The following NCKAP5 variants were observed in gnomAD, a reference collection of about 807,000 sequenced individuals.
The protein encoded by NCKAP5 is NCK associated protein 5, also known as nck-associated protein 5.
A neutral mutation model predicts 167.0 loss-of-function variants in NCKAP5; 92 were observed. The ratio of observed to expected loss-of-function variants is 0.55; its 90% CI spans 0.47 to 0.66. NCKAP5 has a LOEUF of 0.66. NCKAP5 is among the 30% of genes least tolerant of loss of function. The pLI, the probability that NCKAP5 is intolerant of heterozygous loss-of-function variation, is 0.00. For missense variants in NCKAP5, 2,378 were observed against 2,315.0 expected (o/e 1.03, Z -0.56); for synonymous variants, 891 against 877.4 (o/e 1.02, Z -0.27).
chr2:133,618,257 G>A, the NCKAP5 span, among the ~76,000 whole-genome samples: 1 of 151,132 alleles, frequency 6.6e-6, no homozygotes, highest in East Asian at 1.9e-4. Context: ...AGGACTTCAT[G>A]TCTAAAACAC....
chr2:132,868,560 ACT>A (rs1457637932), intron 10 of NCKAP5, among the ~76,000 whole-genome samples: 2 of 152,096 alleles, frequency 1.3e-5, no homozygotes, highest in Non-Finnish European at 2.9e-5. Context: ...GACTTCCCTA[ACT>A]CTTGCTGAAT....
intron 18 of NCKAP5, among the ~76,000 whole-genome samples, chr2:132,728,517 G>A (rs1272642739): frequency 9.9e-5 from 15 of 152,176 alleles, no homozygotes; most frequent in Non-Finnish European, 2.1e-4. Context: ...GCGCCCACAT[G>A]GCTTGGGAGA....
the NCKAP5 span, among the ~76,000 whole-genome samples, chr2:133,647,279 A>G: frequency 2.7e-5 from 4 of 150,876 alleles, no homozygotes; most frequent in Non-Finnish European, 4.4e-5. Flanking sequence ...AGATGCTGCA[A>G]TGAGCTTTGG....
chr2:132,903,133 G>A (rs779095092), intron 8 of NCKAP5, among the ~76,000 whole-genome samples: 18 of 152,200 alleles, frequency 1.2e-4, no homozygotes, highest in Non-Finnish European at 1.9e-4. Flanking sequence ...TGAAGAAGAT[G>A]CCTAGTCTAA....
At chr2:133,556,435 T>C (rs1372868970) in intron 2 of NCKAP5, among the ~76,000 whole-genome samples, 2 of 152,214 alleles carry the variant, frequency 1.3e-5, no homozygotes, top group African/African-American at 4.8e-5. Flanking sequence ...TCCTACTGAT[T>C]GGTGTGTAGT....
At chr2:133,601,948 A>G in the NCKAP5 span, among the ~76,000 whole-genome samples, 1 of 152,192 alleles carries the variant, frequency 6.6e-6, no homozygotes, top group Non-Finnish European at 1.5e-5. Context: ...GGTTGATTTT[A>G]TCCTAAGAAT....
chr2:133,432,542 C>T (rs981385080), intron 3 of NCKAP5, among the ~76,000 whole-genome samples: 6 of 152,148 alleles, frequency 3.9e-5, no homozygotes, highest in Non-Finnish European at 5.9e-5. Context: ...CTGATGGACT[C>T]GGCTCCAAAT....
intron 11 of NCKAP5, among the ~76,000 whole-genome samples, chr2:132,829,445 C>T (rs1474142033): frequency 2.0e-5 from 3 of 152,038 alleles, no homozygotes; most frequent in Non-Finnish European, 1.5e-5. Context: ...GGACAAAATC[C>T]CTGCTTTTGT....
chr2:133,227,991 T>A (rs2086971011), intron 4 of NCKAP5, among the ~76,000 whole-genome samples: 1 of 152,176 alleles, frequency 6.6e-6, no homozygotes, highest in Admixed American at 6.5e-5. Flanking sequence ...GGCATGACAC[T>A]CCAACGATGC....
the NCKAP5 span, among the ~76,000 whole-genome samples, chr2:133,601,808 T>C: frequency 6.6e-6 from 1 of 152,070 alleles, no homozygotes; most frequent in Non-Finnish European, 1.5e-5. Context: ...GCTAAAGTCC[T>C]AAGATACGAA....
chr2:133,559,862 C>A (rs1187681163), intron 1 of NCKAP5, among the ~76,000 whole-genome samples: 2 of 152,180 alleles, frequency 1.3e-5, no homozygotes, highest in African/African-American at 4.8e-5. Context: ...TCACAGCATA[C>A]AGGGCTCTAG....
In NCKAP5 at chr2:133,280,747, G is replaced by A. The variant is rs139312846; in HGVS notation, c.143+22290C>T. ...ACAGGCCAAACCTTGCCAGTTCTATGTAAATAGCGCTTTATTGGAATAGTT... is the reference window on the plus strand; with the variant it reads ...ACAGGCCAAACCTTGCCAGTTCTATATAAATAGCGCTTTATTGGAATAGTT... On this transcript the variant is annotated intron_variant, in intron 4 of 19. Transcript: ENST00000409261. 1.7e-3 allele frequency among the ~76,000 whole-genome samples: 261 copies of A among 152,276 alleles called. 1 individual carries two copies. The highest frequency in any genetic ancestry group is 6.8e-3 in the Middle Eastern group (2 of 294).
At chr2:133,583,627 G>A in the NCKAP5 span, among the ~76,000 whole-genome samples, 1 of 152,134 alleles carries the variant, frequency 6.6e-6, no homozygotes, top group Non-Finnish European at 1.5e-5. Flanking sequence ...AATGGGCAAG[G>A]TTAAACAAAC....
intron 10 of NCKAP5, among the ~76,000 whole-genome samples, chr2:132,867,915 T>C (rs1012349907): frequency 2.0e-5 from 3 of 152,196 alleles, no homozygotes; most frequent in African/African-American, 7.2e-5. Context: ...AGTATAAAAC[T>C]GGAAGCAGTT....
chr2:132,951,083 TC>T (rs1250395486), intron 8 of NCKAP5, among the ~76,000 whole-genome samples: 1 of 152,228 alleles, frequency 6.6e-6, no homozygotes, highest in African/African-American at 2.4e-5. Flanking sequence ...TAAAAATATG[TC>T]TTCTTTACTT....
chr2:133,110,876 C>T (rs1252154758), intron 6 of NCKAP5, among the ~76,000 whole-genome samples: 1 of 152,146 alleles, frequency 6.6e-6, no homozygotes, highest in Non-Finnish European at 1.5e-5. Context: ...AAGGTGCCGT[C>T]GTTGCTGGGA....
intron 4 of NCKAP5, chr2:133,265,013 C>T (rs555796738): frequency 3.7e-4 from 56 of 152,306 alleles, no homozygotes; most frequent in African/African-American, 1.3e-3. Flanking sequence ...ATGACCAATT[C>T]TGTGTCTTAG....
chr2:133,348,860 G>T (rs1301874980), intron 3 of NCKAP5, among the ~76,000 whole-genome samples: 4 of 152,166 alleles, frequency 2.6e-5, no homozygotes, highest in Admixed American at 2.6e-4. Flanking sequence ...ACAAAGAAAA[G>T]CTGAAGTTTA....
At chr2:132,876,246 G>A (rs78762407) in intron 9 of NCKAP5, among the ~76,000 whole-genome samples, 8,098 of 151,940 alleles carry the variant, frequency 0.053, 231 homozygotes, top group East Asian at 0.1. Flanking sequence ...CACTACATTC[G>A]CCTAGGTTTT....
Sources: allele counts gnomAD v4.1 joint callset (sites outside exome capture counted in the v4.1 genomes callset), GRCh38; gene constraint gnomAD v4.1.1; transcripts MANE v1.5; gene names NCBI Gene and HGNC (gene_info 2026-07-23, HGNC 2026-07-21).